The following EDIL3 variants were observed in gnomAD, a reference collection of about 807,000 sequenced individuals.
The protein encoded by EDIL3 is EGF-like repeat and discoidin I-like domain-containing protein 3.
Under a neutral mutation model 67.4 loss-of-function variants are expected in EDIL3, and 37 were observed. The ratio of observed to expected loss-of-function variants is 0.55; its 90% CI spans 0.42 to 0.72. EDIL3 has a LOEUF of 0.72. EDIL3 is among the 30% of genes least tolerant of loss of function. The pLI is 0.00. For synonymous variants in EDIL3, 195 were observed against 196.3 expected (o/e 0.99, Z 0.05); for missense variants, 527 against 586.3 (o/e 0.90, Z 1.04).
chr5:84,346,840 T>C (rs1679158925), intron 1 of EDIL3, among the ~76,000 whole-genome samples: 1 of 152,186 alleles, frequency 6.6e-6, no homozygotes, highest in Non-Finnish European at 1.5e-5. Context: ...GGACAGCCTA[T>C]ATGAGAATGT....
At chr5:84,303,839 TGTGTGTGTGTTTGTG>T (rs1746211038) in intron 1 of EDIL3, among the ~76,000 whole-genome samples, 1 of 148,208 alleles carries the variant, frequency 6.7e-6, no homozygotes, top group African/African-American at 2.5e-5. Flanking sequence ...TGTGTGTGTG[TGTGTGTGTGTTTGTG>T]TGTGTGTGTG....
intron 5 of EDIL3, among the ~76,000 whole-genome samples, chr5:84,134,751 C>T (rs759881581): frequency 1.7e-4 from 26 of 152,090 alleles, no homozygotes; most frequent in Middle Eastern, 3.4e-3. Context: ...AGCAAACACC[C>T]CAATAGGAAA....
At chr5:84,058,310 A>G (rs1367340725) in intron 9 of EDIL3, among the ~76,000 whole-genome samples, 2 of 152,084 alleles carry the variant, frequency 1.3e-5, no homozygotes, top group Admixed American at 6.6e-5. Flanking sequence ...GAAGGGTTTT[A>G]AACAGGAGAG....
intron 1 of EDIL3, among the ~76,000 whole-genome samples, chr5:84,291,868 AAAGT>A (rs1745931484): frequency 6.6e-6 from 1 of 150,914 alleles, no homozygotes; most frequent in South Asian, 2.1e-4. Context: ...GGATATATAG[AAAGT>A]AATAACTTTA....
rs114776558 is a variant in EDIL3, at chr5:83,974,018, T to C, written c.1138-10658A>G. Among the ~76,000 whole-genome samples, 1,410 of 152,104 alleles carry C rather than the reference T, an allele frequency of 9.3e-3. 16 individuals are homozygous for C. The highest frequency in any genetic ancestry group is 0.032 in the African/African-American group (1,340 of 41,538). ...TGCTTTGTGCTTGCTGGAGGAGCTA[T>C]GCATTTTATGTTGATATAAAATTTA... On this transcript the variant is annotated intron_variant, in intron 9 of 10. Coordinates refer to ENST00000296591, the MANE Select transcript of EDIL3 (RefSeq NM_005711.5).
At chr5:84,230,932 A>T (rs548707838) in intron 2 of EDIL3, among the ~76,000 whole-genome samples, 3 of 152,242 alleles carry the variant, frequency 2.0e-5, no homozygotes, top group South Asian at 2.1e-4. Context: ...CCACATATGG[A>T]TACACATAGA....
chr5:84,241,364 T>C (rs1041506849), intron 2 of EDIL3, among the ~76,000 whole-genome samples: 2 of 152,210 alleles, frequency 1.3e-5, no homozygotes, highest in African/African-American at 4.8e-5. Context: ...GAAACTAATA[T>C]TAATGTGCTA....
chr5:84,053,783 C>T (rs1746387342), intron 9 of EDIL3, among the ~76,000 whole-genome samples: 1 of 152,138 alleles, frequency 6.6e-6, no homozygotes. Context: ...CTGAATAGAA[C>T]AATAACAGGC....
chr5:84,266,493 G>T (rs1034154316), intron 1 of EDIL3, among the ~76,000 whole-genome samples: 2 of 152,250 alleles, frequency 1.3e-5, no homozygotes, highest in Admixed American at 1.3e-4. Context: ...CTCTCACGGG[G>T]TGGTATGCGT....
In EDIL3 at chr5:84,080,532, T is replaced by C. The variant is rs140554907; in HGVS notation, c.652-13926A>G. Among the ~76,000 whole-genome samples, 39 of 152,274 alleles carry C rather than the reference T, an allele frequency of 2.6e-4. 1 individual carries two copies. The highest frequency in any genetic ancestry group is 8.4e-4 in the African/African-American group (35 of 41,558). On this transcript the variant is annotated intron_variant, in intron 6 of 10. Coordinates refer to ENST00000296591, the MANE Select transcript of EDIL3 (RefSeq NM_005711.5). ...CTCATCAAGGGTCATTTGTGTTTGT[T>C]CCCCAATCTGTTTTCTTTTCAAGTT...
At chr5:84,107,251 CT>C (rs1049292837) in intron 5 of EDIL3, among the ~76,000 whole-genome samples, 2 of 151,922 alleles carry the variant, frequency 1.3e-5, no homozygotes, top group African/African-American at 2.4e-5. Flanking sequence ...TAAAGCTGAG[CT>C]TTTTTTCAAA....
chr5:84,321,539 G>A (rs1746649558), intron 1 of EDIL3, among the ~76,000 whole-genome samples: 1 of 152,096 alleles, frequency 6.6e-6, no homozygotes. Flanking sequence ...ACGCATCGAT[G>A]GTAAATTTCA....
intron 4 of EDIL3, among the ~76,000 whole-genome samples, chr5:84,150,397 A>C (rs984717443): frequency 3.9e-5 from 6 of 152,188 alleles, no homozygotes; most frequent in African/African-American, 1.4e-4. Flanking sequence ...AAATATGATA[A>C]AGAACTTGTA....
intron 9 of EDIL3, among the ~76,000 whole-genome samples, chr5:83,964,086 G>C (rs928125022): frequency 6.6e-6 from 1 of 151,880 alleles, no homozygotes; most frequent in Non-Finnish European, 1.5e-5. Context: ...AAGAGCATGA[G>C]ACCCATGAAA....
At chr5:84,298,790 C>T (rs765157245) in intron 1 of EDIL3, among the ~76,000 whole-genome samples, 1 of 152,156 alleles carries the variant, frequency 6.6e-6, no homozygotes, top group Non-Finnish European at 1.5e-5. Context: ...ACAAAATTGA[C>T]TTCTCCATTC....
chr5:83,981,153 T>C (rs1433721336), intron 9 of EDIL3, among the ~76,000 whole-genome samples: 3 of 152,088 alleles, frequency 2.0e-5, no homozygotes, highest in Non-Finnish European at 4.4e-5. Flanking sequence ...GAAATTCATA[T>C]GGAAATTCAA....
chr5:84,044,193 T>C (rs1425418585), intron 9 of EDIL3, among the ~76,000 whole-genome samples: 1 of 152,164 alleles, frequency 6.6e-6, no homozygotes, highest in Non-Finnish European at 1.5e-5. Context: ...TTGCTGAGAA[T>C]GATGGTTTCC....
chr5:84,324,928 A>C lies in EDIL3; in HGVS notation c.67+59380T>G, dbSNP rs1459400864. ...ATCAGGAGTCAAAATTCTCCTGATT[A>C]AAAAAAAAAATCCCTGGTGTCTTCA... On this transcript the variant is annotated intron_variant, in intron 1 of 10. Coordinates refer to ENST00000296591, the MANE Select transcript of EDIL3 (RefSeq NM_005711.5). Among the ~76,000 whole-genome samples, 7 of 59,952 alleles carry C rather than the reference A, an allele frequency of 1.2e-4. No homozygotes were observed. In the South Asian group the frequency reaches 5.6e-3, roughly 48 times the overall value. The allele number at this position is 59,952 out of a possible 152,430, so 39.3% of individuals were successfully genotyped here. A position where few individuals can be genotyped will look rare whatever the true frequency, so the allele number is the denominator to read the frequency against.
At chr5:84,225,588 AAC>A (rs1489764736) in intron 3 of EDIL3, among the ~76,000 whole-genome samples, 1 of 151,640 alleles carries the variant, frequency 6.6e-6, no homozygotes, top group Non-Finnish European at 1.5e-5. Flanking sequence ...ACACAAGTAA[AAC>A]ACTATCTAAT....
Sources: gnomAD v4.1 joint callset for allele counts (sites outside exome capture counted in the v4.1 genomes callset) on GRCh38, gnomAD v4.1.1 for gene constraint, MANE v1.5 for transcripts, NCBI Gene and HGNC (gene_info 2026-07-23, HGNC 2026-07-21) for gene names.